The following EPHA6 variants were observed in gnomAD, a reference collection of about 807,000 sequenced individuals.
EPHA6 encodes EPH receptor A6.
In EPHA6, 50 loss-of-function variants were observed where a neutral mutation model predicts 112.0. The observed-to-expected ratio is 0.45, with a 90% CI of 0.36 to 0.56. The LOEUF (loss-of-function observed/expected upper bound fraction) is 0.56. Ranked by LOEUF, EPHA6 falls within the 20% of genes least tolerant of loss-of-function variation. EPHA6 has a pLI of 0.00. For synonymous variants in EPHA6, 529 were observed against 490.7 expected, an observed-to-expected ratio of 1.08 and a Z score of -1.03; for missense variants, 1,280 against 1,417.4, an observed-to-expected ratio of 0.90 and a Z score of 1.56.
chr3:96,830,074 A>C (rs1385983797), intron 1 of EPHA6, among the ~76,000 whole-genome samples: 1 of 151,996 alleles, frequency 6.6e-6, no homozygotes, highest in Non-Finnish European at 1.5e-5. Flanking sequence ...ATCGCATTTT[A>C]GTGCTATAAT....
chr3:97,355,778 C>T (rs1418127816), intron 5 of EPHA6, among the ~76,000 whole-genome samples: 1 of 151,902 alleles, frequency 6.6e-6, no homozygotes, highest in Non-Finnish European at 1.5e-5. Flanking sequence ...GATTATATTG[C>T]CTACAAGAAA....
chr3:97,538,669 C>A (rs1054591226), intron 11 of EPHA6, among the ~76,000 whole-genome samples: 1 of 152,108 alleles, frequency 6.6e-6, no homozygotes, highest in Admixed American at 6.6e-5. Flanking sequence ...AAGCAAAGGA[C>A]AGGTTTCTAA....
At chr3:97,655,682 A>G (rs934041164) in intron 14 of EPHA6, among the ~76,000 whole-genome samples, 1 of 147,104 alleles carries the variant, frequency 6.8e-6, no homozygotes, top group Non-Finnish European at 1.5e-5. Flanking sequence ...TTCTAGTTCT[A>G]GATCCCTGAG....
At chr3:97,724,686 G>A (rs969955134) in intron 15 of EPHA6, among the ~76,000 whole-genome samples, 2 of 152,006 alleles carry the variant, frequency 1.3e-5, no homozygotes, top group Admixed American at 1.3e-4. Context: ...AGAGTTCCAG[G>A]TGACAGTGAG....
At chr3:97,516,397 A>G (rs761848025) in intron 10 of EPHA6, among the ~76,000 whole-genome samples, 3 of 152,212 alleles carry the variant, frequency 2.0e-5, no homozygotes, top group Non-Finnish European at 4.4e-5. Flanking sequence ...AAGCATTAAA[A>G]TATCAATTCA....
chr3:96,910,628 A>G (rs1384299380), intron 2 of EPHA6, among the ~76,000 whole-genome samples: 1 of 151,886 alleles, frequency 6.6e-6, no homozygotes, highest in Non-Finnish European at 1.5e-5. Context: ...TTGGCCTTTA[A>G]ACTTGTTCTT....
At position 97,754,058 on chromosome 3, in the gene EPHA6, A is replaced by C. The variant is rs1460559293; in HGVS notation, c.*5357A>C. Among the ~76,000 whole-genome samples, 1 of 151,778 alleles carries C rather than the reference A, an allele frequency of 6.6e-6. No homozygotes were observed. Among genetic ancestry groups the C allele is most frequent in the African/African-American group, 2.4e-5 (1 of 41,380 alleles). On this transcript the variant is annotated 3_prime_UTR_variant, in exon 18 of 18. Transcript: ENST00000389672. ...TTCAAATTAACAATGAGTTTGTATA[A>C]AATGTATAAAAAATAACATTTATAT... is the stretch of plus-strand genomic sequence containing the variant.
At chr3:97,712,269 C>T (rs1251450437) in intron 14 of EPHA6, among the ~76,000 whole-genome samples, 2 of 152,042 alleles carry the variant, frequency 1.3e-5, no homozygotes, top group African/African-American at 2.4e-5. Context: ...GGTAGGTAGT[C>T]TTCTGTACAG....
At chr3:97,646,371 C>T (rs2107595267) in intron 14 of EPHA6, 1 of 1,143,728 alleles carries the variant, frequency 8.7e-7, no homozygotes, top group East Asian at 2.9e-5. Context: ...ACAGTATTGT[C>T]CACATTTCAA....
At position 96,987,996 on chromosome 3, in the gene EPHA6, A is replaced by G. The variant is rs1428784414; in HGVS notation, c.1114+3A>G. On this transcript the variant is annotated splice_donor_region_variant and intron_variant, in intron 3 of 17. Transcript: ENST00000389672. ...AGAAATTGAGGGTTCTTGCCATGGT[A>G]AGAAACAAACATTTAAATAATTTAT... 5 of 1,540,840 alleles carry G rather than the reference A, an allele frequency of 3.2e-6. No homozygotes were observed. Among genetic ancestry groups the G allele is most frequent in the African/African-American group, 1.4e-5 (1 of 72,176 alleles).
Position 97,244,012 on chromosome 3 carries a change from A to C in EPHA6, c.1331A>C (p.Glu444Ala). Residue 444 changes from glutamate to alanine, a missense_variant, in exon 5 of 18, where the codon GAA becomes GCA. By Grantham distance (107) the Glu-to-Ala change is moderately radical. Transcript: ENST00000389672. Reference sequence around the variant, plus strand: ...ATCAATGAAACAGCCCTTATTTTGGAATGGAGCCCACCAAGTGACACAGGA... The same window carrying C: ...ATCAATGAAACAGCCCTTATTTTGGCATGGAGCCCACCAAGTGACACAGGA... ...FNINETALIL[E>A]WSPPSDTGGR... is the part of the protein sequence containing the mutation. 1.2e-6 allele frequency: 2 copies of C among 1,612,392 alleles called. No individual in the cohort carries two copies. The highest frequency in any genetic ancestry group is 1.7e-6 in the Non-Finnish European group (2 of 1,179,044).
At chr3:97,048,124 C>G (rs2045572839) in intron 3 of EPHA6, among the ~76,000 whole-genome samples, 1 of 152,074 alleles carries the variant, frequency 6.6e-6, no homozygotes, top group South Asian at 2.1e-4. Flanking sequence ...AACATCTGCC[C>G]AAGATGAAGA....
chr3:96,870,872 A>G (rs2036588766), intron 2 of EPHA6, among the ~76,000 whole-genome samples: 1 of 152,056 alleles, frequency 6.6e-6, no homozygotes, highest in South Asian at 2.1e-4. Context: ...TGTTTTTATA[A>G]TGCAATTTAT....
chr3:97,150,034 T>C (rs1193711983), intron 3 of EPHA6, among the ~76,000 whole-genome samples: 1 of 152,036 alleles, frequency 6.6e-6, no homozygotes, highest in African/African-American at 2.4e-5. Context: ...AGTTCATTCT[T>C]GTAGGAAGTC....
intron 11 of EPHA6, among the ~76,000 whole-genome samples, chr3:97,539,963 A>T (rs1405861715): frequency 6.6e-6 from 1 of 152,222 alleles, no homozygotes; most frequent in Non-Finnish European, 1.5e-5. Context: ...AGATCATGAC[A>T]GAAGCTGCTG....
chr3:97,355,069 G>A (rs2084000286), intron 5 of EPHA6, among the ~76,000 whole-genome samples: 2 of 152,146 alleles, frequency 1.3e-5, no homozygotes, highest in Non-Finnish European at 2.9e-5. Flanking sequence ...ACAAGCAAAA[G>A]CTGAGGAGTT....
intron 5 of EPHA6, among the ~76,000 whole-genome samples, chr3:97,269,665 T>C (rs553449543): frequency 2.0e-5 from 3 of 152,322 alleles, no homozygotes; most frequent in South Asian, 2.1e-4. Context: ...AACTGGAGTA[T>C]GTCCTGAGCA....
intron 5 of EPHA6, among the ~76,000 whole-genome samples, chr3:97,288,924 A>T (rs371756629): frequency 1.4e-3 from 155 of 111,222 alleles, no homozygotes; most frequent in Admixed American, 1.6e-3. Context: ...TTTAATGGGG[A>T]TTTTTTTTTT....
At chr3:97,306,161 C>G (rs556591457) in intron 5 of EPHA6, among the ~76,000 whole-genome samples, 2 of 151,948 alleles carry the variant, frequency 1.3e-5, no homozygotes, top group South Asian at 4.1e-4. Flanking sequence ...ATAACAACTT[C>G]GTAGGTTGGT....
Sources: gnomAD v4.1 joint callset for allele counts (sites outside exome capture counted in the v4.1 genomes callset) on GRCh38, gnomAD v4.1.1 for gene constraint, MANE v1.5 for transcripts, NCBI Gene and HGNC (gene_info 2026-07-23, HGNC 2026-07-21) for gene names.